ABCA10: variants seen among roughly 807,000 people sequenced by gnomAD.
The protein encoded by ABCA10 is ATP binding cassette subfamily A member 10, also known as ATP-binding cassette sub-family A member 10.
A neutral mutation model predicts 187.5 loss-of-function variants in ABCA10; 169 were observed. The observed-to-expected ratio is 0.90, with a 90% CI of 0.80 to 1.02. The LOEUF (loss-of-function observed/expected upper bound fraction) is 1.02. ABCA10 is among the 50% of genes least tolerant of loss of function. The probability of loss-of-function intolerance (pLI) is 0.00; values close to 1 mark genes in which losing one functional copy is unlikely to be tolerated. For synonymous variants in ABCA10, 574 were observed against 601.8 expected (o/e 0.95, Z 0.68); for missense variants, 1,727 against 1,812.4 (o/e 0.95, Z 0.86).
chr17:69,182,537 CAA>C, intron 21 of ABCA10, 136 bp downstream of exon 21: 1 of 1,106,834 alleles, frequency 9.0e-7, no homozygotes. Flanking sequence ...TTTTATGTGA[CAA>C]AGAAAGTTTC....
At chr17:69,169,803 A>G (rs1195319312) in intron 25 of ABCA10, among the ~76,000 whole-genome samples, 1 of 152,244 alleles carries the variant, frequency 6.6e-6, no homozygotes, top group Non-Finnish European at 1.5e-5. Context: ...CCGTATGTAC[A>G]AGAAAAATTT....
intron 11 of ABCA10, among the ~76,000 whole-genome samples, chr17:69,196,855 A>C (rs1598109569): frequency 6.6e-6 from 1 of 152,214 alleles, no homozygotes; most frequent in Non-Finnish European, 1.5e-5. Context: ...CACCAAAAAA[A>C]TACGAAAACC....
Position 69,182,793 on chromosome 17 carries a change from T to C in ABCA10, c.2513A>G (p.Asp838Gly). The change falls in exon 21 of 39, where the codon GAC becomes GGC. Residue 838 changes from aspartate to glycine, a missense_variant. Asp to Gly is a moderately conservative substitution (Grantham distance 94). Transcript: ENST00000690296. ...IVNNTGSNIE[D>G]LVHSLKCQDI... The stretch of plus-strand genomic sequence containing the variant: ...CTGACACTTCAGTGAATGCACGAGG[T>C]CTTCAATATTTGATCCTAACATAGT... The C allele has an allele frequency of 6.2e-7, 1 of 1,603,106 alleles. No individual in the cohort carries two copies. Among genetic ancestry groups the C allele is most frequent in the Non-Finnish European group, 8.5e-7 (1 of 1,175,782 alleles).
rs549807403 is a variant in ABCA10, at chr17:69,210,138, G to A, written c.1006+4566C>T. Among the ~76,000 whole-genome samples, 225 of 141,936 alleles carry A rather than the reference G, an allele frequency of 1.6e-3. 2 individuals carry two copies. The highest frequency in any genetic ancestry group is 5.6e-3 in the African/African-American group (213 of 38,278). The allele number at this position is 141,936 out of a possible 152,430, so 93.1% of individuals were successfully genotyped here. A position where few individuals can be genotyped will look rare whatever the true frequency, so the allele number is the denominator to read the frequency against. On this transcript the variant is annotated intron_variant, in intron 9 of 38. Coordinates refer to ENST00000690296, the MANE Select transcript of ABCA10 (RefSeq NM_001377321.1). ...AGTTTTGAGGGAACAGGTGATGTTT[G>A]GTTACATGGGTAAATTATTTAGTGG...
chr17:69,151,779 G>A (rs1013689830), intron 36 of ABCA10, among the ~76,000 whole-genome samples: 2 of 152,104 alleles, frequency 1.3e-5, no homozygotes, highest in African/African-American at 4.8e-5. Flanking sequence ...TCTGTACTTT[G>A]TTCTTAATCT....
chr17:69,210,170 C>CTTTTTTTTTTTTTTTTTTTTTTT (rs1160992125), intron 9 of ABCA10, among the ~76,000 whole-genome samples: 1 of 70,876 alleles, frequency 1.4e-5, no homozygotes, highest in African/African-American at 6.7e-5. Context: ...GTGGTTATTT[C>CTTTTTTTTTTTTTTTTTTTTTTT]TTTTTTTTTT....
intron 22 of ABCA10, among the ~76,000 whole-genome samples, chr17:69,180,286 A>G (rs1404155753): frequency 6.6e-6 from 1 of 152,202 alleles, no homozygotes; most frequent in Non-Finnish European, 1.5e-5. Flanking sequence ...TCATTCATCC[A>G]TTCAACAAAT....
intron 30 of ABCA10, 129 bp downstream of exon 30, chr17:69,154,890 A>T (rs745519413): frequency 3.7e-5 from 22 of 592,804 alleles, no homozygotes; most frequent in Non-Finnish European, 5.7e-5. Context: ...CATGTGAAGA[A>T]GTTTTATAAT....
chr17:69,159,797 T>G (rs910861764), intron 27 of ABCA10, among the ~76,000 whole-genome samples: 3 of 152,134 alleles, frequency 2.0e-5, no homozygotes, highest in Admixed American at 2.0e-4. Flanking sequence ...AAATTTTTAT[T>G]TTAAAATAGA....
chr17:69,164,006 T>C, intron 27 of ABCA10, 68 bp downstream of exon 27: 2 of 1,289,446 alleles, frequency 1.6e-6, no homozygotes, highest in Admixed American at 3.0e-5. Context: ...TTGGCATACC[T>C]TGAATAAGAT....
chr17:69,158,540 A>G (rs955202197), intron 27 of ABCA10, among the ~76,000 whole-genome samples: 1 of 151,944 alleles, frequency 6.6e-6, no homozygotes. Flanking sequence ...TAAAAATATA[A>G]AATAAAATAC....
Position 69,182,660 on chromosome 17 carries a change from T to C in ABCA10, c.2631+15A>G, listed in dbSNP as rs181487401. The C allele has an allele frequency of 8.9e-6, 14 of 1,578,408 alleles. No homozygotes were observed. In the Admixed American group the frequency reaches 1.9e-4, roughly 22 times the overall value. On this transcript the variant is annotated intron_variant, in intron 21 of 38. Coordinates refer to ENST00000690296, the MANE Select transcript of ABCA10 (RefSeq NM_001377321.1). ...AAAAAAACCAAAAAAAAACAGTGCA[T>C]AGAAGCAAACATACCTTCTGGTCAC...
At position 69,210,166 on chromosome 17, in the gene ABCA10, ATTTCTTTTTT is replaced by A. The variant is rs2074628363; in HGVS notation, c.1006+4528_1006+4537del. Among the ~76,000 whole-genome samples, 3 of 56,228 alleles carry A rather than the reference ATTTCTTTTTT, an allele frequency of 5.3e-5. No individual in the cohort carries two copies. The East Asian group carries it at 1.5e-3, about 28-fold the overall frequency. 36.9% of individuals were successfully genotyped at this position (56,228 alleles called of 152,430 possible). On this transcript the variant is annotated intron_variant, in intron 9 of 38. Transcript: ENST00000690296. ...TACATGGGTAAATTATTTAGTGGTTATTTCTTTTTTTTTTTTTTTTTTTTTTTTTTTTTTG... is the reference window on the plus strand; with the variant it reads ...TACATGGGTAAATTATTTAGTGGTTATTTTTTTTTTTTTTTTTTTTTTTTG...
At chr17:69,244,406 T>A (rs1598138656) in intron 1 of ABCA10, 1 of 151,968 alleles carries the variant, frequency 6.6e-6, no homozygotes, top group East Asian at 1.9e-4. Context: ...GTATACAAAA[T>A]GACTTGTCTT....
chr17:69,226,667 G>C (rs1222459285), intron 2 of ABCA10, among the ~76,000 whole-genome samples: 2 of 151,942 alleles, frequency 1.3e-5, no homozygotes, highest in Non-Finnish European at 2.9e-5. Context: ...AAAAAAGTTT[G>C]CAGATTTTTA....
chr17:69,177,837 T>A, intron 22 of ABCA10, among the ~76,000 whole-genome samples: 1 of 150,300 alleles, frequency 6.7e-6, no homozygotes, highest in Non-Finnish European at 1.5e-5. Flanking sequence ...ATGCCTGTAA[T>A]TCCAGCTACT....
intron 27 of ABCA10, among the ~76,000 whole-genome samples, chr17:69,158,780 T>A (rs2074193616): frequency 6.6e-6 from 1 of 151,936 alleles, no homozygotes; most frequent in Non-Finnish European, 1.5e-5. Context: ...TTTGAATTGA[T>A]CAAAATATAT....
Position 69,243,091 on chromosome 17 carries a change from C to T in ABCA10, c.-593+1438G>A, listed in dbSNP as rs573855812. ...GTTAACTGAGAAACCTAATTAGCAT[C>T]CATCTCTTGGTCTCAAATTATCAAA... On this transcript the variant is annotated intron_variant, in intron 1 of 39. Coordinates refer to the ABCA10 transcript ENST00000269081. Among the ~76,000 whole-genome samples the T allele has an allele frequency of 1.1e-4, 16 of 152,290 alleles. 1 individual carries two copies. The East Asian group carries it at 2.5e-3, about 24-fold the overall frequency.
chr17:69,214,322 C>T (rs1261914002), intron 9 of ABCA10, among the ~76,000 whole-genome samples: 5 of 151,852 alleles, frequency 3.3e-5, no homozygotes, highest in South Asian at 2.1e-4. Context: ...GAGACCATCC[C>T]GGCTAAAACG....
Sources: gnomAD v4.1 joint callset for allele counts (sites outside exome capture counted in the v4.1 genomes callset) on GRCh38, gnomAD v4.1.1 for gene constraint, MANE v1.5 for transcripts, NCBI Gene and HGNC (gene_info 2026-07-23, HGNC 2026-07-21) for gene names.